Variants in SLCO2A1 observed in about 807,000 individuals in gnomAD.
The protein encoded by SLCO2A1 is solute carrier organic anion transporter family member 2A1.
SLCO2A1 carries 60 observed loss-of-function variants against 71.7 expected under a neutral mutation model. That is an observed-to-expected ratio of 0.84 (90% CI 0.68 to 1.04). SLCO2A1 has a LOEUF of 1.04. SLCO2A1 is among the 50% of genes least tolerant of loss of function. SLCO2A1 has a pLI of 0.00. For missense variants in SLCO2A1, 745 were observed against 813.4 expected (o/e 0.92, Z 1.02); for synonymous variants, 308 against 326.7 (o/e 0.94, Z 0.62).
chr3:133,958,541 T>C (rs1050328146), intron 3 of SLCO2A1, among the ~76,000 whole-genome samples: 1 of 152,112 alleles, frequency 6.6e-6, no homozygotes, highest in East Asian at 1.9e-4. Flanking sequence ...AATAGGCATG[T>C]AGGGGAAAGA....
At chr3:133,973,319 A>G (rs1449768447) in intron 3 of SLCO2A1, among the ~76,000 whole-genome samples, 4 of 152,232 alleles carry the variant, frequency 2.6e-5, no homozygotes, top group African/African-American at 9.6e-5. Context: ...TGCTATGATT[A>G]AACATGGACA....
At position 133,998,363 on chromosome 3, in the gene SLCO2A1, G is replaced by A. The variant is rs141019244; in HGVS notation, c.97-18745C>T. On this transcript the variant is annotated intron_variant, in intron 1 of 13. Coordinates refer to ENST00000310926, the MANE Select transcript of SLCO2A1 (RefSeq NM_005630.3). The stretch of plus-strand genomic sequence containing the variant: ...TAGTGTTTGCTGGAGACAGATGTGG[G>A]GACAGCCAGGCCTCCTGTGTCTGCC... 3.9e-5 allele frequency among the ~76,000 whole-genome samples: 6 copies of A among 152,274 alleles called. No individual in the cohort carries two copies. The East Asian group carries it at 1.2e-3, about 29-fold the overall frequency.
chr3:133,979,019 G>A (rs963724653), intron 2 of SLCO2A1, among the ~76,000 whole-genome samples: 1 of 152,156 alleles, frequency 6.6e-6, no homozygotes, highest in Non-Finnish European at 1.5e-5. Flanking sequence ...TGGGCCCAGG[G>A]CTGCTGACCC....
At chr3:133,995,879 G>C (rs72980372) in intron 1 of SLCO2A1, among the ~76,000 whole-genome samples, 4,194 of 152,222 alleles carry the variant, frequency 0.028, 200 homozygotes, top group African/African-American at 0.095. Context: ...GTAGAAACAG[G>C]TATTTTCCTT....
intron 3 of SLCO2A1, among the ~76,000 whole-genome samples, chr3:133,967,983 C>G (rs545786934): frequency 5.6e-5 from 5 of 89,218 alleles, no homozygotes; most frequent in Non-Finnish European, 1.1e-4. Flanking sequence ...CACCTCCACA[C>G]CCCCCCAACA....
intron 1 of SLCO2A1, among the ~76,000 whole-genome samples, chr3:133,997,932 A>G (rs1354163873): frequency 6.6e-6 from 1 of 152,220 alleles, no homozygotes; most frequent in Non-Finnish European, 1.5e-5. Context: ...AACAGTAGTG[A>G]CTGTCTAGGA....
chr3:133,979,093 A>G (rs559406911), intron 2 of SLCO2A1, among the ~76,000 whole-genome samples: 2 of 152,318 alleles, frequency 1.3e-5, no homozygotes, highest in African/African-American at 2.4e-5. Flanking sequence ...ACAGGCTGGC[A>G]GATTGCACAG....
At chr3:133,950,743 TG>T (rs890534791) in intron 6 of SLCO2A1, among the ~76,000 whole-genome samples, 1 of 152,246 alleles carries the variant, frequency 6.6e-6, no homozygotes, top group African/African-American at 2.4e-5. Flanking sequence ...GGAAGATGCT[TG>T]GAAGGTCCTC....
chr3:134,027,633 G>A (rs954350268), intron 1 of SLCO2A1, among the ~76,000 whole-genome samples: 5 of 152,208 alleles, frequency 3.3e-5, no homozygotes, highest in South Asian at 2.1e-4. Flanking sequence ...TCTGTGGCTC[G>A]TCCTGCTACA....
Position 133,948,883 on chromosome 3 carries a change from G to A in SLCO2A1, c.940+10C>T. 1 of 1,613,518 alleles carries A rather than the reference G, an allele frequency of 6.2e-7. No individual in the cohort carries two copies. ...TGTGCCAGCCCACCCAGGGCTGTAG[G>A]GTCAGTTACGTTTAATGAAATCCAC... is the stretch of plus-strand genomic sequence containing the variant. On this transcript the variant is annotated intron_variant, in intron 7 of 13. Coordinates refer to ENST00000310926, the MANE Select transcript of SLCO2A1 (RefSeq NM_005630.3).
chr3:134,010,328 C>G (rs1361616859), intron 1 of SLCO2A1, among the ~76,000 whole-genome samples: 1 of 152,038 alleles, frequency 6.6e-6, no homozygotes, highest in African/African-American at 2.4e-5. Context: ...CTGGGGAGGC[C>G]TCAGGAAACT....
At chr3:133,983,288 C>T (rs575208720) in intron 1 of SLCO2A1, among the ~76,000 whole-genome samples, 5 of 152,318 alleles carry the variant, frequency 3.3e-5, no homozygotes, top group South Asian at 2.1e-4. Flanking sequence ...TAATGTTCCA[C>T]GGATAACTCG....
At chr3:133,976,733 A>T (rs1934465042) in intron 2 of SLCO2A1, among the ~76,000 whole-genome samples, 1 of 152,096 alleles carries the variant, frequency 6.6e-6, no homozygotes, top group Non-Finnish European at 1.5e-5. Flanking sequence ...CCATCATGAC[A>T]TGCCCCTGCC....
chr3:133,963,006 T>C (rs1366905600), intron 3 of SLCO2A1, among the ~76,000 whole-genome samples: 1 of 152,104 alleles, frequency 6.6e-6, no homozygotes, highest in Non-Finnish European at 1.5e-5. Flanking sequence ...GCACATTTTT[T>C]CCCATAGAAC....
chr3:133,998,137 G>C (rs1935018350), intron 1 of SLCO2A1, among the ~76,000 whole-genome samples: 1 of 152,152 alleles, frequency 6.6e-6, no homozygotes, highest in African/African-American at 2.4e-5. Flanking sequence ...TTGGTTCCAT[G>C]GCAGAATCCT....
intron 3 of SLCO2A1, among the ~76,000 whole-genome samples, chr3:133,972,053 T>A (rs1376335627): frequency 6.6e-5 from 10 of 152,100 alleles, no homozygotes; most frequent in Admixed American, 6.6e-4. Context: ...ATTAACATGC[T>A]TAAAACTTGA....
chr3:133,935,988 A>T, intron 12 of SLCO2A1, 91 bp from the exon 13 acceptor site: 2 of 1,332,734 alleles, frequency 1.5e-6, no homozygotes, highest in South Asian at 2.0e-5. Context: ...GACACAGTTC[A>T]CATACATGAG....
At chr3:133,977,697 C>T (rs993570953) in intron 2 of SLCO2A1, among the ~76,000 whole-genome samples, 2 of 152,080 alleles carry the variant, frequency 1.3e-5, no homozygotes, top group Non-Finnish European at 2.9e-5. Flanking sequence ...GAAACAAGAC[C>T]GTGGTGACGC....
At chr3:133,952,604 T>C (rs1293001402) in intron 5 of SLCO2A1, among the ~76,000 whole-genome samples, 1 of 152,238 alleles carries the variant, frequency 6.6e-6, no homozygotes, top group African/African-American at 2.4e-5. Flanking sequence ...CCTTGCTCCA[T>C]TCATCCTGGG....
Sources: allele counts gnomAD v4.1 joint callset (sites outside exome capture counted in the v4.1 genomes callset), GRCh38; gene constraint gnomAD v4.1.1; transcripts MANE v1.5; gene names NCBI Gene and HGNC (gene_info 2026-07-23, HGNC 2026-07-21).